The following MPZL1 variants were observed in gnomAD, a reference collection of about 807,000 sequenced individuals.
MPZL1 encodes myelin protein zero like 1.
MPZL1 carries 16 observed loss-of-function variants against 29.3 expected under a neutral mutation model. The observed-to-expected ratio is 0.55, with a 90% CI of 0.37 to 0.83. The LOEUF is 0.83. MPZL1 is among the 40% of genes least tolerant of loss of function. The probability of loss-of-function intolerance (pLI) is 0.00; values close to 1 mark genes in which losing one functional copy is unlikely to be tolerated. For synonymous variants in MPZL1, 143 were observed against 132.0 expected (o/e 1.08, Z -0.57); for missense variants, 279 against 332.9 (o/e 0.84, Z 1.26).
At chr1:167,739,519 TA>T (rs1183393532) in intron 1 of MPZL1, among the ~76,000 whole-genome samples, 1 of 151,728 alleles carries the variant, frequency 6.6e-6, no homozygotes, top group Admixed American at 6.6e-5. Context: ...AAAGAATAAT[TA>T]AAGCTTTCAA....
At chr1:167,786,674 C>CAA (rs1340313706) in intron 5 of MPZL1, among the ~76,000 whole-genome samples, 1 of 152,160 alleles carries the variant, frequency 6.6e-6, no homozygotes, top group Non-Finnish European at 1.5e-5. Flanking sequence ...AGTAGCTGAA[C>CAA]TCCACAGAAC....
chr1:167,741,363 C>CTGACAATA (rs1266043417), intron 1 of MPZL1, among the ~76,000 whole-genome samples: 2 of 135,350 alleles, frequency 1.5e-5, no homozygotes, highest in Admixed American at 8.0e-5. Flanking sequence ...CAAGGTCTCA[C>CTGACAATA]TTGTCACCCA....
intron 1 of MPZL1, among the ~76,000 whole-genome samples, chr1:167,751,539 C>T (rs997893866): frequency 1.4e-4 from 22 of 151,980 alleles, no homozygotes; most frequent in Non-Finnish European, 2.8e-4. Flanking sequence ...GGCGTGGTGG[C>T]TCGCGCCTGT....
chr1:167,739,939 C>T (rs1660481980), intron 1 of MPZL1, among the ~76,000 whole-genome samples: 1 of 152,158 alleles, frequency 6.6e-6, no homozygotes, highest in African/African-American at 2.4e-5. Flanking sequence ...CCATCCCTCC[C>T]TGCTTTTGTT....
chr1:167,725,055 C>T (rs1660113250), intron 1 of MPZL1, among the ~76,000 whole-genome samples: 1 of 152,158 alleles, frequency 6.6e-6, no homozygotes, highest in Non-Finnish European at 1.5e-5. Flanking sequence ...GACTAAATCT[C>T]AGTAATTTGT....
chr1:167,731,428 CTG>C (rs1201768878), intron 1 of MPZL1, among the ~76,000 whole-genome samples: 3 of 147,602 alleles, frequency 2.0e-5, no homozygotes, highest in Non-Finnish European at 3.0e-5. Flanking sequence ...CAGAGTAAAA[CTG>C]TGTCTTTTTT....
chr1:167,773,788 A>T (rs1661301426), intron 4 of MPZL1: 1 of 153,248 alleles, frequency 6.5e-6, no homozygotes, highest in African/African-American at 2.4e-5. Flanking sequence ...AGCTGGAATT[A>T]GTGGCATGTG....
intron 2 of MPZL1, among the ~76,000 whole-genome samples, chr1:167,770,109 G>C (rs149331619): frequency 6.6e-6 from 1 of 152,162 alleles, no homozygotes; most frequent in African/African-American, 2.4e-5. Flanking sequence ...TAGAGCTTAG[G>C]GGACGCTATT....
At chr1:167,737,862 A>T (rs186621649) in intron 1 of MPZL1, among the ~76,000 whole-genome samples, 314 of 152,248 alleles carry the variant, frequency 2.1e-3, no homozygotes, top group Non-Finnish European at 3.8e-3. Flanking sequence ...TTTAGAGTAG[A>T]TTATCTCTAC....
intron 1 of MPZL1, among the ~76,000 whole-genome samples, chr1:167,756,798 G>A (rs1469739726): frequency 6.6e-6 from 1 of 152,090 alleles, no homozygotes; most frequent in East Asian, 1.9e-4. Context: ...CAGGTAATGA[G>A]GGTATAATGG....
At chr1:167,784,732 C>T (rs1571175591) in intron 5 of MPZL1, among the ~76,000 whole-genome samples, 1 of 152,202 alleles carries the variant, frequency 6.6e-6, no homozygotes, top group East Asian at 1.9e-4. Flanking sequence ...TCCCTTCATC[C>T]AGCACCTGTG....
chr1:167,767,791 G>C (rs1199839791), intron 2 of MPZL1, among the ~76,000 whole-genome samples: 1 of 36,794 alleles, frequency 2.7e-5, no homozygotes, highest in Non-Finnish European at 5.9e-5. Flanking sequence ...TCCCTTTTCT[G>C]CTTTTTTTTT....
intron 1 of MPZL1, among the ~76,000 whole-genome samples, chr1:167,753,864 A>G (rs1360812665): frequency 6.6e-6 from 1 of 152,054 alleles, no homozygotes; most frequent in Non-Finnish European, 1.5e-5. Flanking sequence ...TCCTGACCTC[A>G]GGTGATCCAC....
chr1:167,771,690 C>G (rs1661252532), intron 2 of MPZL1, among the ~76,000 whole-genome samples: 1 of 152,048 alleles, frequency 6.6e-6, no homozygotes, highest in African/African-American at 2.4e-5. Context: ...GATGGGCGGC[C>G]AGGCAGAGAC....
chr1:167,751,878 A>G (rs1660767514), intron 1 of MPZL1, among the ~76,000 whole-genome samples: 2 of 152,312 alleles, frequency 1.3e-5, no homozygotes, highest in South Asian at 4.1e-4. Flanking sequence ...AAACTAACAA[A>G]AATCCTTTGG....
chr1:167,749,460 A>G (rs1215109428), intron 1 of MPZL1, among the ~76,000 whole-genome samples: 1 of 152,218 alleles, frequency 6.6e-6, no homozygotes, highest in African/African-American at 2.4e-5. Flanking sequence ...GGCTTAGGGG[A>G]AAATCTTGAA....
intron 1 of MPZL1, among the ~76,000 whole-genome samples, chr1:167,764,151 G>A (rs1443034378): frequency 1.3e-5 from 2 of 151,944 alleles, no homozygotes; most frequent in Non-Finnish European, 1.5e-5. Flanking sequence ...ATGGAAGATG[G>A]GTATTTTTAA....
intron 1 of MPZL1, among the ~76,000 whole-genome samples, chr1:167,727,146 A>G (rs922681347): frequency 6.6e-6 from 1 of 152,220 alleles, no homozygotes; most frequent in Non-Finnish European, 1.5e-5. Context: ...TTTCCCACTG[A>G]GTTTTAAAAA....
intron 5 of MPZL1, among the ~76,000 whole-genome samples, chr1:167,783,482 G>A (rs1053862104): frequency 3.9e-5 from 6 of 152,224 alleles, no homozygotes; most frequent in Admixed American, 3.9e-4. Context: ...TTTGGGTTAT[G>A]TTGTTAAACA....
Sources: gnomAD v4.1 joint callset for allele counts (sites outside exome capture counted in the v4.1 genomes callset) on GRCh38, gnomAD v4.1.1 for gene constraint, MANE v1.5 for transcripts, NCBI Gene and HGNC (gene_info 2026-07-23, HGNC 2026-07-21) for gene names.